MFRP: variants seen among roughly 807,000 people sequenced by gnomAD.
The protein encoded by MFRP is membrane frizzled-related protein.
Under a neutral mutation model 65.8 loss-of-function variants are expected in MFRP, and 74 were observed. That is an observed-to-expected ratio of 1.12 (90% confidence interval 0.93 to 1.36). The LOEUF (loss-of-function observed/expected upper bound fraction) is 1.36. MFRP is among the 40% of genes most tolerant of loss of function. The pLI, the probability that MFRP is intolerant of heterozygous loss-of-function variation, is 0.00. For synonymous variants in MFRP, 336 were observed against 288.3 expected, an observed-to-expected ratio of 1.17 and a Z score of -1.68; for missense variants, 838 against 736.0, an observed-to-expected ratio of 1.14 and a Z score of -1.60.
Position 119,346,113 on chromosome 11 carries a change from G to A in MFRP, c.204C>T (p.Leu68=). The A allele has an allele frequency of 3.1e-6, 5 of 1,606,858 alleles. No individual in the cohort carries two copies. Among genetic ancestry groups the A allele is most frequent in the Middle Eastern group, 1.7e-4 (1 of 6,052 alleles). The change falls in exon 3 of 15, where the codon CTC becomes CTT. Residue 68 remains leucine (L), a synonymous_variant. Transcript: ENST00000619721. ...GLRPDCRFSW[L]CVLLLSSLLL... is the part of the protein sequence containing the mutation. ...GCAGGCTGGAGAGCAGGAGGACACA[G>A]AGCCAGGAGAAGCGGCAGTCTGGCC...
At position 119,343,027 on chromosome 11, in the gene MFRP, T is replaced by C. The variant is rs1282476096; in HGVS notation, c.1125-24A>G. 3 of 1,584,852 alleles carry C rather than the reference T, an allele frequency of 1.9e-6. No individual in the cohort carries two copies. In the African/African-American group the frequency reaches 4.0e-5, roughly 21 times the overall value. On this transcript the variant is annotated intron_variant, in intron 9 of 14. Transcript: ENST00000619721. ...ACCTGCCCAAAGCAGACAGCTGTTC[T>C]GGGCACCAGCCCTGGCTGACTGAGG...
intron 13 of MFRP, 50 bp downstream of exon 13, chr11:119,340,645 T>A (rs1432967781): frequency 1.7e-5 from 9 of 537,100 alleles, no homozygotes; most frequent in Non-Finnish European, 2.6e-5. Context: ...CGCGCCAGCC[T>A]TTCCCACAGT....
Position 119,343,890 on chromosome 11 carries a change from A to G in MFRP, c.1050T>C (p.Ala350=). The G allele has an allele frequency of 4.3e-6, 7 of 1,613,672 alleles. No homozygotes were observed. The highest frequency in any genetic ancestry group is 5.9e-6 in the Non-Finnish European group (7 of 1,179,968). The part of the protein sequence containing the change: ...ELQFHNFSLE[A]QDECKFDYVE... ...CGTAGTCAAACTTGCACTCGTCCTGAGCCTCCAGGCTGAAGTTGTGGAACT... is the reference window on the plus strand; with the variant it reads ...CGTAGTCAAACTTGCACTCGTCCTGGGCCTCCAGGCTGAAGTTGTGGAACT... The change falls in exon 9 of 15, where the codon GCT becomes GCC. Residue 350 remains alanine (A), a synonymous_variant. Coordinates refer to ENST00000619721, the MANE Select transcript of MFRP (RefSeq NM_031433.4).
rs1334369838 is a variant in MFRP at position 119,345,641 on chromosome 11, G to T, written c.428-8C>A. ...AGAGGAGGCCTCCACAGGCTGCAGA[G>T]ATGGAGGTTAGAGTTCAGAGGTCAA... On this transcript the variant is annotated splice_polypyrimidine_tract_variant and splice_region_variant and intron_variant, in intron 4 of 14. Transcript: ENST00000619721. 6.2e-7 allele frequency: 1 copy of T among 1,613,470 alleles called. No homozygotes were observed. The highest frequency in any genetic ancestry group is 1.7e-5 in the Admixed American group (1 of 60,020).
rs1950520652 is a variant in MFRP at position 119,343,152 on chromosome 11, CAT to C, written c.1125-151_1125-150del. 1.0e-5 allele frequency: 10 copies of C among 987,746 alleles called. No homozygotes were observed. In the South Asian group the frequency reaches 1.5e-4, roughly 15 times the overall value. The allele number at this position is 987,746 out of a possible 1,614,324, so 61.2% of individuals were successfully genotyped here. ...GGGTTAGGGTCTGGCGAGAAAGACA[CAT>C]ATATTCAACAGGGAAAGCATTAAAC... is the stretch of plus-strand genomic sequence containing the variant. On this transcript the variant is annotated intron_variant, in intron 9 of 14. Transcript: ENST00000619721.
Position 119,346,626 on chromosome 11 carries a change from G to T in MFRP, c.-113C>A, listed in dbSNP as rs1458765010. The T allele has an allele frequency of 4.5e-6, 5 of 1,102,434 alleles. No homozygotes were observed. The highest frequency in any genetic ancestry group is 5.5e-6 in the Non-Finnish European group (4 of 725,816). 68.3% of individuals were successfully genotyped at this position (1,102,434 alleles called of 1,614,324 possible). A position where few individuals can be genotyped will look rare whatever the true frequency, so the allele number is the denominator to read the frequency against. ...GAGGGGCAGCCTCTACTACCCGAGG[G>T]AAAAGGCTGCCAGGCTAGACCAGTT... On this transcript the variant is annotated 5_prime_UTR_variant, in exon 1 of 15. Transcript: ENST00000619721.
In MFRP at chr11:119,345,605, C is replaced by A. The variant is rs756071297; in HGVS notation, c.456G>T (p.Arg152Ser). ...GGTAGTTAGGGCTGCTGAAGAAGCCCCTTGGGCCAGAGAGGAGGCCTCCAC... is the reference window on the plus strand; with the variant it reads ...GGTAGTTAGGGCTGCTGAAGAAGCCACTTGGGCCAGAGAGGAGGCCTCCAC... ...STCGGLLSGP[R>S]GFFSSPNYPD... Residue 152 changes from arginine to serine, a missense_variant, in exon 5 of 15, where the codon AGG becomes AGT. By Grantham distance (110) the Arg-to-Ser change is moderately radical. Transcript: ENST00000619721. 2 of 1,613,452 alleles carry A rather than the reference C, an allele frequency of 1.2e-6. No individual in the cohort carries two copies. The highest frequency in any genetic ancestry group is 2.7e-5 in the African/African-American group (2 of 74,862).
Position 119,346,128 on chromosome 11 carries a change from G to T in MFRP, c.189C>A (p.Cys63Ter), listed in dbSNP as rs1272565453. The T allele has an allele frequency of 6.2e-7, 1 of 1,603,146 alleles. No homozygotes were observed. Among genetic ancestry groups the T allele is most frequent in the Non-Finnish European group, 8.5e-7 (1 of 1,174,740 alleles). Residue 63 changes from cysteine (C) to a stop codon, truncating the protein, a stop_gained, in exon 3 of 15, where the codon TGC becomes TGA. Transcript: ENST00000619721. LOFTEE classifies it high-confidence loss of function. ...GRRPRGLRPD[C>*]RFSWLCVLLL... ...GGAGGACACAGAGCCAGGAGAAGCGGCAGTCTGGCCGTAGCCCTCGAGGAC... is the reference window on the plus strand; with the variant it reads ...GGAGGACACAGAGCCAGGAGAAGCGTCAGTCTGGCCGTAGCCCTCGAGGAC...
At position 119,340,731 on chromosome 11, in the gene MFRP, G is replaced by A; in HGVS notation, c.*817C>T. 2.7e-6 allele frequency: 1 copy of A among 367,254 alleles called. No homozygotes were observed. Among genetic ancestry groups the A allele is most frequent in the Non-Finnish European group, 5.0e-6 (1 of 200,098 alleles). The allele number at this position is 367,254 out of a possible 1,614,324, so 22.7% of individuals were successfully genotyped here. ...GCTCCCCGATGGCCTCCTTCGGGGC[G>A]CTCGCTACTCCGGACCCTCCAGTTG... On this transcript the variant is annotated 3_prime_UTR_variant, in exon 13 of 15. Coordinates refer to ENST00000619721, the MANE Select transcript of MFRP (RefSeq NM_031433.4).
Position 119,339,364 on chromosome 11 carries a change from G to A in MFRP, c.*1595C>T. On this transcript the variant is annotated 3_prime_UTR_variant, in exon 15 of 15. Coordinates refer to ENST00000619721, the MANE Select transcript of MFRP (RefSeq NM_031433.4). The surrounding 1 kb of genome is among the most constrained non-coding windows in gnomAD (Gnocchi z 5.4). ...AGACTGGGGAGCTGTGCCAGTCGGAGTACACCAGAAATCCGGAGAAGGTGC... is the reference window on the plus strand; with the variant it reads ...AGACTGGGGAGCTGTGCCAGTCGGAATACACCAGAAATCCGGAGAAGGTGC... 1 of 1,613,200 alleles carries A rather than the reference G, an allele frequency of 6.2e-7. No homozygotes were observed. Among genetic ancestry groups the A allele is most frequent in the Non-Finnish European group, 8.5e-7 (1 of 1,179,430 alleles).
rs762273500 is a variant in MFRP at position 119,344,642 on chromosome 11, G to C, written c.888C>G (p.Ala296=). ...ATGCCTGGCCCGTACCCGAGAACTT[G>C]GCACTGCAATTGGTCTCATCACTGC... ...ADGSDETNCS[A]KFSGCGGNLT... is the part of the protein sequence containing the mutation. The change falls in exon 7 of 15, where the codon GCC becomes GCG. Residue 296 remains alanine (A), a synonymous_variant. Transcript: ENST00000619721. 1 of 1,613,914 alleles carries C rather than the reference G, an allele frequency of 6.2e-7. No homozygotes were observed. Among genetic ancestry groups the C allele is most frequent in the African/African-American group, 1.3e-5 (1 of 74,936 alleles).
rs1024878489 is a variant in MFRP at position 119,339,917 on chromosome 11, A to C, written c.*1111-69T>G. 16 of 1,422,018 alleles carry C rather than the reference A, an allele frequency of 1.1e-5. No homozygotes were observed. The African/African-American group carries it at 2.2e-4, about 20-fold the overall frequency. 88.1% of individuals were successfully genotyped at this position (1,422,018 alleles called of 1,614,324 possible). A position where few individuals can be genotyped will look rare whatever the true frequency, so the allele number is the denominator to read the frequency against. ...AGCCCGCAGCGGGGCGGCGACTCTAAGGTCACCGTACCCCTCCCCGCCCCT... is the reference window on the plus strand; with the variant it reads ...AGCCCGCAGCGGGGCGGCGACTCTACGGTCACCGTACCCCTCCCCGCCCCT... On this transcript the variant is annotated intron_variant, in intron 14 of 14. Coordinates refer to ENST00000619721, the MANE Select transcript of MFRP (RefSeq NM_031433.4). This position sits in a 1 kb window ranked among gnomAD's most constrained non-coding sequence, Gnocchi z 5.4.
intron 8 of MFRP, 44 bp from the exon 9 acceptor site, chr11:119,344,008 G>A: frequency 1.9e-6 from 3 of 1,607,660 alleles, no homozygotes; most frequent in Non-Finnish European, 2.5e-6. Flanking sequence ...CCCTTCTCCT[G>A]TCTCATCCCG....
chr11:119,343,839 TG>T lies in MFRP; in HGVS notation c.1100del (p.Ser367Ter), dbSNP rs1289609289. ...ACCTGCCCAGGAGGCTGAAGGCCCC[TG>T]AGCTGCTGGTCTCATACACCTCCAC... ...DYVEVYETSS[S>X]GAFSLLGRFC... On this transcript the variant is annotated frameshift_variant, in exon 9 of 15. Transcript: ENST00000619721. LOFTEE classifies it high-confidence loss of function. The T allele has an allele frequency of 6.2e-7, 1 of 1,613,818 alleles. No homozygotes were observed. Among genetic ancestry groups the T allele is most frequent in the Non-Finnish European group, 8.5e-7 (1 of 1,179,840 alleles).
intron 2 of MFRP, 48 bp from the exon 3 acceptor site, chr11:119,346,207 C>A: frequency 6.4e-7 from 1 of 1,567,760 alleles, no homozygotes; most frequent in East Asian, 2.3e-5. Context: ...GTTGGGTATT[C>A]CTCATGCTGT....
In MFRP at chr11:119,344,892, C is replaced by T. The variant is rs764241798; in HGVS notation, c.754G>A (p.Ala252Thr). The T allele has an allele frequency of 6.2e-7, 1 of 1,612,948 alleles. No individual in the cohort carries two copies. The highest frequency in any genetic ancestry group is 2.2e-5 in the East Asian group (1 of 44,864). The change falls in exon 6 of 15, where the codon GCT becomes ACT. Residue 252 changes from alanine (A) to threonine (T), a missense_variant. By Grantham distance (58) the Ala-to-Thr change is moderately conservative. Transcript: ENST00000619721. Reference sequence around the variant, plus strand: ...CACTCACCGCGCCCAGGGGCCATAGCCTGGTACCAGGCATGGAAACCAAAT... The same window carrying T: ...CACTCACCGCGCCCAGGGGCCATAGTCTGGTACCAGGCATGGAAACCAAAT... Reference protein sequence around the residue: ...EGFGFHAWYQAMAPGRGSCAH... With the variant: ...EGFGFHAWYQTMAPGRGSCAH...
At position 119,339,447 on chromosome 11, in the gene MFRP, A is replaced by G. The variant is rs1422724743; in HGVS notation, c.*1512T>C. The G allele has an allele frequency of 6.2e-7, 1 of 1,613,928 alleles. No homozygotes were observed. The highest frequency in any genetic ancestry group is 1.1e-5 in the South Asian group (1 of 91,072). Reference sequence around the variant, plus strand: ...TAGTCACCCACACCCACCTGCACCCACACTTGGTCCTCAGGCTCCAGCCTC... The same window carrying G: ...TAGTCACCCACACCCACCTGCACCCGCACTTGGTCCTCAGGCTCCAGCCTC... On this transcript the variant is annotated 3_prime_UTR_variant, in exon 15 of 15. Transcript: ENST00000619721. The surrounding 1 kb of genome is among the most constrained non-coding windows in gnomAD (Gnocchi z 5.4).
rs755624004 is a variant in MFRP at position 119,345,851 on chromosome 11, G to C, written c.349C>G (p.Pro117Ala). The C allele has an allele frequency of 3.7e-6, 6 of 1,613,896 alleles. No individual in the cohort carries two copies. Among genetic ancestry groups the C allele is most frequent in the Middle Eastern group, 1.6e-4 (1 of 6,062 alleles). Residue 117 changes from proline to alanine, a missense_variant, in exon 4 of 15, where the codon CCC becomes GCC. Transcript: ENST00000619721. ...GCTGCCTGAGAGGTGGTGATGGTGGGGGTGGTGGTGGTCGTGGTAAGGCCT... is the reference window on the plus strand; with the variant it reads ...GCTGCCTGAGAGGTGGTGATGGTGGCGGTGGTGGTGGTCGTGGTAAGGCCT... ...AGGLTTTTTT[P>A]TITTSQAAGT... is the part of the protein sequence containing the mutation.
chr11:119,343,865 C>G lies in MFRP; in HGVS notation c.1075G>C (p.Val359Leu). The change falls in exon 9 of 15, where the codon GTG becomes CTG. Residue 359 changes from valine (V) to leucine (L), a missense_variant. Transcript: ENST00000619721. ...GAGCTGCTGGTCTCATACACCTCCACGTAGTCAAACTTGCACTCGTCCTGA... is the reference window on the plus strand; with the variant it reads ...GAGCTGCTGGTCTCATACACCTCCAGGTAGTCAAACTTGCACTCGTCCTGA... ...EAQDECKFDY[V>L]EVYETSSSGA... 6.2e-7 allele frequency: 1 copy of G among 1,613,970 alleles called. No homozygotes were observed. Among genetic ancestry groups the G allele is most frequent in the Non-Finnish European group, 8.5e-7 (1 of 1,180,018 alleles).
Sources: allele counts gnomAD v4.1 joint callset, GRCh38; gene constraint gnomAD v4.1.1; non-coding constraint Gnocchi (gnomAD v3.1); transcripts MANE v1.5; gene names NCBI Gene and HGNC (gene_info 2026-07-23, HGNC 2026-07-21).